The following NRXN3 variants were observed in gnomAD, a reference collection of about 807,000 sequenced individuals.
NRXN3 encodes neurexin 3.
Under a neutral mutation model 137.6 loss-of-function variants are expected in NRXN3, and 32 were observed. That is an observed-to-expected ratio of 0.23 (90% CI 0.18 to 0.31). NRXN3 has a LOEUF of 0.31. Among genes scored for constraint, NRXN3 ranks in the 10% least tolerant of loss-of-function variants. The probability of loss-of-function intolerance (pLI) is 1.00; values close to 1 mark genes in which losing one functional copy is unlikely to be tolerated. For missense variants in NRXN3, 1,574 were observed against 2,062.5 expected (o/e 0.76, Z 4.59); for synonymous variants, 798 against 784.5 (o/e 1.02, Z -0.29).
intron 4 of NRXN3, among the ~76,000 whole-genome samples, chr14:78,417,839 C>A (rs1308431594): frequency 6.6e-6 from 1 of 152,202 alleles, no homozygotes; most frequent in Non-Finnish European, 1.5e-5. Flanking sequence ...TCACTGCAAC[C>A]TGCACCTCCT....
intron 15 of NRXN3, among the ~76,000 whole-genome samples, chr14:79,184,704 A>G (rs2063313638): frequency 6.6e-6 from 1 of 152,214 alleles, no homozygotes; most frequent in Admixed American, 6.5e-5. Flanking sequence ...GAGGATACGT[A>G]TCAAGGGAAA....
At chr14:79,441,887 C>T (rs1426275907) in intron 15 of NRXN3, among the ~76,000 whole-genome samples, 1 of 151,780 alleles carries the variant, frequency 6.6e-6, no homozygotes, top group Non-Finnish European at 1.5e-5. Context: ...AACTGTCCTC[C>T]TTCTCCGCCA....
chr14:79,002,943 C>T (rs1202474396), intron 15 of NRXN3, among the ~76,000 whole-genome samples: 1 of 152,124 alleles, frequency 6.6e-6, no homozygotes, highest in Non-Finnish European at 1.5e-5. Flanking sequence ...GGACCTACTA[C>T]CTTTACTTAA....
intron 10 of NRXN3, among the ~76,000 whole-genome samples, chr14:78,930,755 A>T (rs1368101838): frequency 1.3e-5 from 2 of 152,206 alleles, no homozygotes; most frequent in African/African-American, 4.8e-5. Context: ...TCTTTCCCCA[A>T]GGTTGTCTCC....
At chr14:78,441,097 C>T (rs2094229830) in intron 4 of NRXN3, among the ~76,000 whole-genome samples, 1 of 152,068 alleles carries the variant, frequency 6.6e-6, no homozygotes, top group African/African-American at 2.4e-5. Context: ...GGCAGAATTA[C>T]CCAGGGCAGG....
chr14:78,320,711 GT>G (rs1164789193), intron 4 of NRXN3, among the ~76,000 whole-genome samples: 1 of 152,184 alleles, frequency 6.6e-6, no homozygotes, highest in Non-Finnish European at 1.5e-5. Context: ...TTTCCTGTGT[GT>G]TGTGCTCAAG....
intron 8 of NRXN3, among the ~76,000 whole-genome samples, chr14:78,777,751 G>A (rs187576023): frequency 5.3e-5 from 8 of 152,128 alleles, no homozygotes; most frequent in East Asian, 1.9e-4. Context: ...AGATTTAGGC[G>A]GAAGGATTTT....
At position 79,467,471 on chromosome 14, in the gene NRXN3, G is replaced by A. The variant is rs975536438; in HGVS notation, c.3444+69G>A. The A allele has an allele frequency of 1.1e-5, 15 of 1,380,760 alleles. No homozygotes were observed. In the African/African-American group the frequency reaches 1.1e-4, roughly 11 times the overall value. 85.5% of individuals were successfully genotyped at this position (1,380,760 alleles called of 1,614,324 possible). ...GTCTGAGTTAGTGATTCAGGTAGAC[G>A]CAGCAGAACATTCTAGATCAATATG... On this transcript the variant is annotated intron_variant, in intron 16 of 20. Coordinates refer to ENST00000335750, the MANE Select transcript of NRXN3 (RefSeq NM_001330195.2).
At chr14:78,920,018 G>A (rs1400472017) in intron 10 of NRXN3, among the ~76,000 whole-genome samples, 2 of 152,162 alleles carry the variant, frequency 1.3e-5, no homozygotes, top group Non-Finnish European at 1.5e-5. Flanking sequence ...AAATAAAGAA[G>A]TTGAAATTTT....
intron 15 of NRXN3, among the ~76,000 whole-genome samples, chr14:79,295,076 C>T (rs772559395): frequency 1.4e-4 from 22 of 152,120 alleles, no homozygotes; most frequent in Non-Finnish European, 2.6e-4. Flanking sequence ...GTACTCAGAA[C>T]AAAGGCTGGC....
rs571685348 is a variant in NRXN3 at position 79,520,797 on chromosome 14, G to A, written c.3444+53395G>A. Among the ~76,000 whole-genome samples, 3 of 152,270 alleles carry A rather than the reference G, an allele frequency of 2.0e-5. No individual in the cohort carries two copies. In the East Asian group the frequency reaches 5.8e-4, roughly 29 times the overall value. On this transcript the variant is annotated intron_variant, in intron 16 of 20. Coordinates refer to ENST00000335750, the MANE Select transcript of NRXN3 (RefSeq NM_001330195.2). ...ATGCTGGAGAGGATGTGGAGAAGTA[G>A]GAATGCTTTTACACTTTGGTGGGAG...
chr14:79,524,698 A>C (rs2097102127), intron 16 of NRXN3, among the ~76,000 whole-genome samples: 1 of 152,224 alleles, frequency 6.6e-6, no homozygotes, highest in Non-Finnish European at 1.5e-5. Context: ...TTCTCTGAAA[A>C]ATCAACTTGC....
At chr14:78,951,257 CT>C (rs2099386486) in intron 10 of NRXN3, among the ~76,000 whole-genome samples, 1 of 152,166 alleles carries the variant, frequency 6.6e-6, no homozygotes, top group Non-Finnish European at 1.5e-5. Context: ...AATCTCCTTA[CT>C]TAAAACCTTC....
chr14:79,587,767 T>C (rs1324351291), intron 16 of NRXN3, among the ~76,000 whole-genome samples: 1 of 152,218 alleles, frequency 6.6e-6, no homozygotes, highest in Non-Finnish European at 1.5e-5. Flanking sequence ...CAGCAAATCT[T>C]GGTGAGCAGA....
At chr14:78,507,365 T>C (rs2096013511) in intron 4 of NRXN3, among the ~76,000 whole-genome samples, 1 of 152,104 alleles carries the variant, frequency 6.6e-6, no homozygotes. Context: ...TTTGGGGAAG[T>C]TTTGTTTTCT....
chr14:78,543,005 G>A (rs943110608), intron 4 of NRXN3, among the ~76,000 whole-genome samples: 42 of 152,114 alleles, frequency 2.8e-4, no homozygotes, highest in Admixed American at 7.2e-4. Context: ...AGGGCTTGAG[G>A]TCACTTTAGG....
chr14:79,831,920 AAC>A (rs1482039656), intron 20 of NRXN3, among the ~76,000 whole-genome samples: 1 of 152,104 alleles, frequency 6.6e-6, no homozygotes, highest in Non-Finnish European at 1.5e-5. Context: ...GGTGGATTCT[AAC>A]ACACATATGC....
intron 20 of NRXN3, among the ~76,000 whole-genome samples, chr14:79,824,969 C>A (rs2099289319): frequency 6.6e-6 from 1 of 152,168 alleles, no homozygotes; most frequent in African/African-American, 2.4e-5. Context: ...TAGGTATTAC[C>A]AATCCTATAA....
At chr14:78,823,549 G>A (rs2098957286) in intron 10 of NRXN3, among the ~76,000 whole-genome samples, 1 of 152,146 alleles carries the variant, frequency 6.6e-6, no homozygotes, top group Non-Finnish European at 1.5e-5. Context: ...GTTATATGCT[G>A]TAAACAAAGA....
Sources: allele counts gnomAD v4.1 joint callset (sites outside exome capture counted in the v4.1 genomes callset), GRCh38; gene constraint gnomAD v4.1.1; transcripts MANE v1.5; gene names NCBI Gene and HGNC (gene_info 2026-07-23, HGNC 2026-07-21).